Variants in RBM34 observed in about 807,000 individuals in gnomAD.
RBM34 encodes RNA binding motif protein 34.
In RBM34, 39 loss-of-function variants were observed where a neutral mutation model predicts 44.6. That is an observed-to-expected ratio of 0.87 (90% CI 0.68 to 1.14). The LOEUF (loss-of-function observed/expected upper bound fraction) is 1.14, where lower values mean the gene tolerates loss of function less well. RBM34 is among the 50% of genes most tolerant of loss of function. RBM34 has a pLI of 0.00. For synonymous variants in RBM34, 194 were observed against 184.0 expected (o/e 1.05, Z -0.44); for missense variants, 572 against 517.9 (o/e 1.10, Z -1.01).
At chr1:235,140,361 C>T (rs932521589) in intron 6 of RBM34, among the ~76,000 whole-genome samples, 10 of 152,246 alleles carry the variant, frequency 6.6e-5, no homozygotes, top group African/African-American at 2.2e-4. Context: ...GTGGGCTTGG[C>T]GGGCCCCGCA....
At chr1:235,155,214 A>C in intron 3 of RBM34, 102 bp from the exon 4 acceptor site, 2 of 936,722 alleles carry the variant, frequency 2.1e-6, no homozygotes, top group Non-Finnish European at 3.2e-6. Flanking sequence ...ATATTTCCCA[A>C]TGTCTTCTGA....
intron 3 of RBM34, among the ~76,000 whole-genome samples, chr1:235,159,864 C>G (rs1408805172): frequency 1.1e-5 from 1 of 92,018 alleles, no homozygotes; most frequent in African/African-American, 5.5e-5. Flanking sequence ...AGCAAAACTC[C>G]GTCTCAAAAA....
chr1:235,148,284 T>A, intron 6 of RBM34, 120 bp downstream of exon 6: 1 of 623,028 alleles, frequency 1.6e-6, no homozygotes, highest in Non-Finnish European at 2.6e-6. Context: ...AAACAGTCAA[T>A]CATGCTCTAT....
intron 5 of RBM34, chr1:235,152,487 T>C (rs2102854657): frequency 1.6e-6 from 2 of 1,269,834 alleles, no homozygotes; most frequent in East Asian, 3.5e-5. Context: ...CAGGCTTTCA[T>C]AGCAAGAGTA....
intron 3 of RBM34, 87 bp downstream of exon 3, chr1:235,160,424 T>G: frequency 6.8e-7 from 1 of 1,480,612 alleles, no homozygotes. Context: ...AGTAGAAATA[T>G]GAAATAAAAC....
chr1:235,156,521 A>C (rs958153427), intron 3 of RBM34: 8 of 391,534 alleles, frequency 2.0e-5, no homozygotes, highest in African/African-American at 1.7e-4. Context: ...CTTACTCTGT[A>C]CAAGCAATAT....
intron 3 of RBM34, among the ~76,000 whole-genome samples, chr1:235,155,860 T>TATATATATATAC (rs1662413229): frequency 2.5e-5 from 1 of 39,864 alleles, no homozygotes; most frequent in African/African-American, 1.5e-4. Context: ...TATATATATA[T>TATATATATATAC]ATATATACAT....
At chr1:235,159,350 G>C (rs934898315) in intron 3 of RBM34, among the ~76,000 whole-genome samples, 1 of 151,814 alleles carries the variant, frequency 6.6e-6, no homozygotes, top group Non-Finnish European at 1.5e-5. Flanking sequence ...AAGAGTTCGA[G>C]ACCAGACTGG....
chr1:235,143,691 T>C (rs1370783663), intron 6 of RBM34, among the ~76,000 whole-genome samples: 4 of 152,108 alleles, frequency 2.6e-5, no homozygotes, highest in Non-Finnish European at 5.9e-5. Context: ...TTAGCCGAGA[T>C]GGTACCACTG....
At chr1:235,145,160 T>C (rs1204016641) in intron 6 of RBM34, among the ~76,000 whole-genome samples, 1 of 152,094 alleles carries the variant, frequency 6.6e-6, no homozygotes, top group Non-Finnish European at 1.5e-5. Context: ...AGACTAATAA[T>C]TCAAATAAAA....
chr1:235,151,591 TC>T (rs1267619936), intron 5 of RBM34, among the ~76,000 whole-genome samples: 2 of 152,094 alleles, frequency 1.3e-5, no homozygotes, highest in East Asian at 3.9e-4. Context: ...GCTACCAGCA[TC>T]TAGTGGGTAA....
At chr1:235,148,921 C>T (rs1477266134) in intron 5 of RBM34, among the ~76,000 whole-genome samples, 2 of 151,558 alleles carry the variant, frequency 1.3e-5, no homozygotes, top group African/African-American at 2.4e-5. Flanking sequence ...CTATATGAAA[C>T]GAAGCTCGTG....
chr1:235,152,591 C>A (rs555168963), intron 5 of RBM34, 115 bp downstream of exon 5: 56 of 1,480,098 alleles, frequency 3.8e-5, no homozygotes, highest in East Asian at 2.5e-5. Flanking sequence ...TAAATTTGAA[C>A]CTATTGATTC....
chr1:235,137,715 G>C (rs1661484488), intron 8 of RBM34, among the ~76,000 whole-genome samples, 162 bp downstream of exon 8: 1 of 152,122 alleles, frequency 6.6e-6, no homozygotes, highest in Admixed American at 6.6e-5. Flanking sequence ...CTCGGTCCTT[G>C]TGCCTCTCTT....
intron 5 of RBM34, chr1:235,152,415 C>G: frequency 1.0e-6 from 1 of 979,558 alleles, no homozygotes; most frequent in Non-Finnish European, 1.3e-6. Context: ...TCAGTATTAA[C>G]TTTTCAGTCT....
intron 6 of RBM34, among the ~76,000 whole-genome samples, chr1:235,138,551 A>G (rs1451600938): frequency 2.6e-5 from 4 of 152,166 alleles, no homozygotes; most frequent in African/African-American, 9.7e-5. Flanking sequence ...TGAAACACCC[A>G]TATAGAAGAG....
intron 6 of RBM34, among the ~76,000 whole-genome samples, chr1:235,147,764 A>G (rs1415763403): frequency 6.6e-6 from 1 of 152,248 alleles, no homozygotes; most frequent in African/African-American, 2.4e-5. Flanking sequence ...TATCTAATAT[A>G]AAGAAATATC....
At position 235,142,202 on chromosome 1, in the gene RBM34, C is replaced by T. The variant is rs142407749; in HGVS notation, c.702-4028G>A. Among the ~76,000 whole-genome samples the T allele has an allele frequency of 6.2e-4, 94 of 152,306 alleles. 2 individuals carry two copies. In the East Asian group the frequency reaches 0.016, roughly 27 times the overall value. ...CCTGATCAGGTGCACTCCTGAGACACGGAAACACTAAGACAAGACAGCAGA... is the reference window on the plus strand; with the variant it reads ...CCTGATCAGGTGCACTCCTGAGACATGGAAACACTAAGACAAGACAGCAGA... On this transcript the variant is annotated intron_variant, in intron 6 of 10. Coordinates refer to ENST00000408888, the MANE Select transcript of RBM34 (RefSeq NM_015014.4).
At chr1:235,137,430 A>G (rs959461056) in intron 8 of RBM34, among the ~76,000 whole-genome samples, 3 of 152,196 alleles carry the variant, frequency 2.0e-5, no homozygotes, top group African/African-American at 7.2e-5. Flanking sequence ...GCTAGAATGC[A>G]GTGGCACGAC....
Sources: allele counts gnomAD v4.1 joint callset (sites outside exome capture counted in the v4.1 genomes callset), GRCh38; gene constraint gnomAD v4.1.1; transcripts MANE v1.5; gene names NCBI Gene and HGNC (gene_info 2026-07-23, HGNC 2026-07-21).